Variants in ZCCHC4 observed in about 807,000 individuals in gnomAD.
ZCCHC4 encodes zinc finger CCHC-type containing 4.
ZCCHC4 carries 54 observed loss-of-function variants against 67.7 expected under a neutral mutation model. The ratio of observed to expected loss-of-function variants is 0.80; its 90% CI spans 0.64 to 1.00. ZCCHC4 has a LOEUF of 1.00. Among genes scored for constraint, ZCCHC4 ranks in the 50% least tolerant of loss-of-function variants. The pLI is 0.00. For missense variants in ZCCHC4, 609 were observed against 617.0 expected, an observed-to-expected ratio of 0.99 and a Z score of 0.14; for synonymous variants, 198 against 213.5, an observed-to-expected ratio of 0.93 and a Z score of 0.63.
chr4:25,340,193 G>A (rs1719668606), intron 5 of ZCCHC4, among the ~76,000 whole-genome samples: 1 of 152,108 alleles, frequency 6.6e-6, no homozygotes, highest in Admixed American at 6.6e-5. Context: ...ATTGTATGAG[G>A]TAGGGGTCTA....
At chr4:25,365,794 G>T (rs1022532136) in intron 12 of ZCCHC4, 2 of 985,280 alleles carry the variant, frequency 2.0e-6, no homozygotes, top group African/African-American at 3.5e-5. Context: ...AAGAGGCACT[G>T]CTTCTGGAAT....
chr4:25,338,179 C>T (rs1458411501), intron 5 of ZCCHC4, among the ~76,000 whole-genome samples: 14 of 152,194 alleles, frequency 9.2e-5, no homozygotes, highest in Admixed American at 9.2e-4. Flanking sequence ...GCAGCCTCAA[C>T]CTCCTGGGTT....
rs1033860836 is a variant in ZCCHC4 at position 25,345,423 on chromosome 4, T to G, written c.687-125T>G. On this transcript the variant is annotated intron_variant, in intron 5 of 12. Coordinates refer to ENST00000302874, the MANE Select transcript of ZCCHC4 (RefSeq NM_024936.3). ...ATTCCCTGAAATTTTTGCAAATTAT[T>G]CTTTATTTCAAAAAACTAAAAAATG... 1.2e-5 allele frequency: 8 copies of G among 657,958 alleles called. No homozygotes were observed. In the African/African-American group the frequency reaches 1.5e-4, roughly 12 times the overall value. 40.8% of individuals were successfully genotyped at this position (657,958 alleles called of 1,614,324 possible). A position where few individuals can be genotyped will look rare whatever the true frequency, so the allele number is the denominator to read the frequency against.
At chr4:25,342,760 T>C (rs989566482) in intron 5 of ZCCHC4, among the ~76,000 whole-genome samples, 5 of 152,316 alleles carry the variant, frequency 3.3e-5, no homozygotes, top group African/African-American at 9.6e-5. Context: ...AATTTCATTT[T>C]AAGAGGGCAA....
chr4:25,361,654 C>CT (rs1720744018), intron 8 of ZCCHC4: 2 of 551,344 alleles, frequency 3.6e-6, no homozygotes, highest in Non-Finnish European at 6.3e-6. Context: ...TCGAAACTGT[C>CT]TATGATCCTT....
chr4:25,358,358 CAA>C (rs1190225871), intron 8 of ZCCHC4, among the ~76,000 whole-genome samples: 1 of 152,188 alleles, frequency 6.6e-6, no homozygotes, highest in Non-Finnish European at 1.5e-5. Context: ...TGACACAGAG[CAA>C]ATTTCACACA....
At chr4:25,322,512 CTTTATTTTT>C (rs548402277) in intron 3 of ZCCHC4, among the ~76,000 whole-genome samples, 171 of 151,982 alleles carry the variant, frequency 1.1e-3, no homozygotes, top group African/African-American at 3.9e-3. Flanking sequence ...GAATTGTACA[CTTTATTTTT>C]TTTATTTTTT....
Position 25,314,037 on chromosome 4 carries a change from T to A in ZCCHC4, c.128-9T>A. On this transcript the variant is annotated splice_polypyrimidine_tract_variant and intron_variant, in intron 1 of 12. Coordinates refer to ENST00000302874, the MANE Select transcript of ZCCHC4 (RefSeq NM_024936.3). ...ACACTTTTTTTTTTTTTTTCTATTCTGGAACTAGGACCCACTCTTCTGTTT... is the reference window on the plus strand; with the variant it reads ...ACACTTTTTTTTTTTTTTTCTATTCAGGAACTAGGACCCACTCTTCTGTTT... 6.9e-7 allele frequency: 1 copy of A among 1,443,484 alleles called. No individual in the cohort carries two copies. Among genetic ancestry groups the A allele is most frequent in the Non-Finnish European group, 9.5e-7 (1 of 1,049,096 alleles). The allele number at this position is 1,443,484 out of a possible 1,614,324, so 89.4% of individuals were successfully genotyped here. A position where few individuals can be genotyped will look rare whatever the true frequency, so the allele number is the denominator to read the frequency against.
At chr4:25,349,950 CTG>C (rs1280896594) in intron 7 of ZCCHC4, among the ~76,000 whole-genome samples, 2 of 152,120 alleles carry the variant, frequency 1.3e-5, no homozygotes, top group African/African-American at 2.4e-5. Flanking sequence ...CGAGTGGCCA[CTG>C]TGTGCCAGGC....
chr4:25,337,634 A>C (rs1175476367), intron 5 of ZCCHC4, among the ~76,000 whole-genome samples: 2 of 152,192 alleles, frequency 1.3e-5, no homozygotes, highest in Non-Finnish European at 2.9e-5. Context: ...TGTTCGACTT[A>C]AAGAGTAGGG....
intron 12 of ZCCHC4, 35 bp downstream of exon 12, chr4:25,365,201 A>G (rs1199617855): frequency 6.2e-7 from 1 of 1,611,798 alleles, no homozygotes; most frequent in African/African-American, 1.3e-5. Context: ...AATGTATTCC[A>G]TCTGTGTTTT....
intron 4 of ZCCHC4, among the ~76,000 whole-genome samples, 185 bp downstream of exon 4, chr4:25,333,643 G>T (rs1394031992): frequency 6.6e-6 from 1 of 152,156 alleles, no homozygotes; most frequent in Non-Finnish European, 1.5e-5. Context: ...AATCTTCATA[G>T]ATTTCTTTCT....
At chr4:25,322,397 T>G (rs1718628554) in intron 3 of ZCCHC4, among the ~76,000 whole-genome samples, 2 of 152,252 alleles carry the variant, frequency 1.3e-5, no homozygotes, top group Admixed American at 1.3e-4. Flanking sequence ...TCTATGGATT[T>G]GCCTATTCTA....
intron 12 of ZCCHC4, chr4:25,365,853 C>A (rs1238358062): frequency 1.0e-6 from 1 of 985,070 alleles, no homozygotes; most frequent in Non-Finnish European, 1.2e-6. Flanking sequence ...CTATTTTAAC[C>A]GAGCTAATTT....
chr4:25,362,450 TTAAATTA>T (rs1427356850), intron 10 of ZCCHC4, 149 bp downstream of exon 10: 20 of 489,534 alleles, frequency 4.1e-5, no homozygotes, highest in Non-Finnish European at 6.3e-5. Flanking sequence ...ATACAATATT[TTAAATTA>T]TAGAGTACAA....
chr4:25,333,906 A>G lies in ZCCHC4; in HGVS notation c.606-2A>G. 2 of 1,584,366 alleles carry G rather than the reference A, an allele frequency of 1.3e-6. No homozygotes were observed. Among genetic ancestry groups the G allele is most frequent in the South Asian group, 1.2e-5 (1 of 84,672 alleles). On this transcript the variant is annotated splice_acceptor_variant, in intron 4 of 12. Coordinates refer to ENST00000302874, the MANE Select transcript of ZCCHC4 (RefSeq NM_024936.3). LOFTEE classifies it high-confidence loss of function. ...TACATTTGCTTTCACTAATTGCTTT[A>G]GGTTGCATGAGCTGATCAAGTTGAC...
At chr4:25,339,560 T>G (rs947399942) in intron 5 of ZCCHC4, among the ~76,000 whole-genome samples, 2 of 152,364 alleles carry the variant, frequency 1.3e-5, no homozygotes, top group South Asian at 4.1e-4. Flanking sequence ...TTTGTTTATC[T>G]TATTGGAGAA....
intron 3 of ZCCHC4, among the ~76,000 whole-genome samples, chr4:25,322,954 C>T (rs1560399094): frequency 6.6e-6 from 1 of 152,256 alleles, no homozygotes; most frequent in Non-Finnish European, 1.5e-5. Context: ...CCTGTTTCCA[C>T]CTCTGCATTT....
At position 25,333,423 on chromosome 4, in the gene ZCCHC4, C is replaced by G. The variant is rs756557602; in HGVS notation, c.570C>G (p.Leu190=). The G allele has an allele frequency of 6.2e-7, 1 of 1,613,980 alleles. No homozygotes were observed. The highest frequency in any genetic ancestry group is 8.5e-7 in the Non-Finnish European group (1 of 1,180,010). The change falls in exon 4 of 13, where the codon CTC becomes CTG. Residue 190 remains leucine (L), a synonymous_variant. Coordinates refer to ENST00000302874, the MANE Select transcript of ZCCHC4 (RefSeq NM_024936.3). ...CQFLVDLLSA[L]GFRRVLCVGT... is the part of the protein sequence containing the mutation. ...TCTTGGTAGACTTACTTTCTGCCCTCGGATTCAGAAGAGTACTGTGTGTTG... is the reference window on the plus strand; with the variant it reads ...TCTTGGTAGACTTACTTTCTGCCCTGGGATTCAGAAGAGTACTGTGTGTTG...
Sources: gnomAD v4.1 joint callset for allele counts (sites outside exome capture counted in the v4.1 genomes callset) on GRCh38, gnomAD v4.1.1 for gene constraint, MANE v1.5 for transcripts, NCBI Gene and HGNC (gene_info 2026-07-23, HGNC 2026-07-21) for gene names.